USH2A: variants seen among roughly 807,000 people sequenced by gnomAD.
USH2A encodes Usher syndrome 2A (autosomal recessive, mild).
A neutral mutation model predicts 538.9 loss-of-function variants in USH2A; 443 were observed. The observed-to-expected ratio is 0.82, with a 90% CI of 0.76 to 0.89. The LOEUF (loss-of-function observed/expected upper bound fraction) is 0.89, where lower values mean the gene tolerates loss of function less well. Ranked by LOEUF, USH2A falls within the 40% of genes least tolerant of loss-of-function variation. The pLI, the probability that USH2A is intolerant of heterozygous loss-of-function variation, is 0.00. For missense variants in USH2A, 6,633 were observed against 6,324.8 expected (o/e 1.05, Z -1.65); for synonymous variants, 2,413 against 2,273.5 (o/e 1.06, Z -1.75).
At chr1:216,296,415 T>C (rs1225606775) in intron 9 of USH2A, among the ~76,000 whole-genome samples, 1 of 152,082 alleles carries the variant, frequency 6.6e-6, no homozygotes, top group African/African-American at 2.4e-5. Flanking sequence ...ATCTTGCTCC[T>C]GTCACTCTAC....
chr1:216,212,690 T>C (rs1341745425), intron 15 of USH2A, among the ~76,000 whole-genome samples: 3 of 150,664 alleles, frequency 2.0e-5, no homozygotes, highest in Admixed American at 2.0e-4. Flanking sequence ...TGTTTGTGTG[T>C]GTGTGTGTGT....
intron 61 of USH2A, among the ~76,000 whole-genome samples, chr1:215,721,605 A>G (rs150936007): frequency 6.6e-6 from 1 of 152,290 alleles, no homozygotes; most frequent in Non-Finnish European, 1.5e-5. Context: ...TTCATCCCCA[A>G]TAATGTTGAG....
At chr1:216,113,551 T>A (rs1420925863) in intron 21 of USH2A, among the ~76,000 whole-genome samples, 7 of 152,176 alleles carry the variant, frequency 4.6e-5, no homozygotes, top group Non-Finnish European at 1.5e-5. Context: ...ACAAGATGAA[T>A]AGTGATTTTG....
intron 35 of USH2A, among the ~76,000 whole-genome samples, chr1:215,982,010 A>G (rs1047816030): frequency 1.1e-4 from 17 of 152,244 alleles, no homozygotes; most frequent in African/African-American, 4.1e-4. Flanking sequence ...GTAAGTAATC[A>G]TTCAATCAAC....
intron 32 of USH2A, among the ~76,000 whole-genome samples, chr1:216,022,327 A>G (rs1184054100): frequency 6.6e-6 from 1 of 152,132 alleles, no homozygotes; most frequent in Non-Finnish European, 1.5e-5. Flanking sequence ...ACAGTCATGG[A>G]AAGAGGGAAC....
In USH2A at chr1:215,759,825, C is replaced by T. The variant is rs757483800; in HGVS notation, c.11066G>A (p.Arg3689Gln). The T allele has an allele frequency of 6.2e-6, 10 of 1,613,680 alleles. No homozygotes were observed. The South Asian group carries it at 7.7e-5, about 12-fold the overall frequency. The change falls in exon 57 of 72, where the codon CGA becomes CAA. Residue 3689 changes from arginine to glutamine, a missense_variant. Arg to Gln is a conservative substitution (Grantham distance 43). Coordinates refer to ENST00000307340, the MANE Select transcript of USH2A (RefSeq NM_206933.4). Reference protein sequence around the residue: ...AAPEGVWVTPRHIIINSTTVE... With the variant: ...AAPEGVWVTPQHIIINSTTVE... Reference sequence around the variant, plus strand: ...TGTTGTAGAATTGATGATAATGTGTCGAGGTGTCACCCAAACTCCTGGCAA... The same window carrying T: ...TGTTGTAGAATTGATGATAATGTGTTGAGGTGTCACCCAAACTCCTGGCAA...
At chr1:216,145,102 T>G (rs771470035) in intron 21 of USH2A, among the ~76,000 whole-genome samples, 14 of 152,288 alleles carry the variant, frequency 9.2e-5, no homozygotes, top group Middle Eastern at 6.8e-3. Context: ...TTCCCTTCCC[T>G]CACCCTACTT....
intron 21 of USH2A, among the ~76,000 whole-genome samples, chr1:216,117,835 T>C (rs2102591500): frequency 7.5e-6 from 1 of 132,490 alleles, no homozygotes; most frequent in Admixed American, 8.4e-5. Flanking sequence ...TACACAGATA[T>C]ATATATACAC....
At chr1:215,679,147 G>T (rs1270258872) in intron 62 of USH2A, among the ~76,000 whole-genome samples, 1 of 152,230 alleles carries the variant, frequency 6.6e-6, no homozygotes, top group Non-Finnish European at 1.5e-5. Context: ...CAGAGAGGCA[G>T]CCCACAGGAT....
At position 215,978,531 on chromosome 1, in the gene USH2A, T is replaced by C. The variant is rs112524911; in HGVS notation, c.6806-7755A>G. Among the ~76,000 whole-genome samples the C allele has an allele frequency of 3.9e-3, 594 of 152,278 alleles. 6 individuals carry two copies. Among genetic ancestry groups the C allele is most frequent in the African/African-American group, 0.014 (573 of 41,562 alleles). On this transcript the variant is annotated intron_variant, in intron 35 of 71. Transcript: ENST00000307340. ...AGTGCAAAGTACTATACTTGGTATT[T>C]TGGGAAGTAAGAACAGAATAAGAAT...
chr1:216,293,437 A>C (rs1054159791), intron 9 of USH2A, among the ~76,000 whole-genome samples: 10 of 152,178 alleles, frequency 6.6e-5, no homozygotes, highest in African/African-American at 9.7e-5. Context: ...GAATTCCTCT[A>C]ATGTGAAGTG....
intron 61 of USH2A, among the ~76,000 whole-genome samples, chr1:215,697,119 A>AT (rs34386908): frequency 0.39 from 57,507 of 148,068 alleles, 12,312 homozygotes; most frequent in Middle Eastern, 0.5. Flanking sequence ...GGCCCAGCTA[A>AT]TTTTTTTTTT....
chr1:216,147,778 G>A (rs1261826823), intron 21 of USH2A, among the ~76,000 whole-genome samples: 8 of 150,794 alleles, frequency 5.3e-5, no homozygotes, highest in East Asian at 2.0e-4. Flanking sequence ...GAACCGCAGC[G>A]GCCAGGCATT....
At chr1:216,201,206 C>G (rs189550564) in intron 16 of USH2A, among the ~76,000 whole-genome samples, 1 of 151,664 alleles carries the variant, frequency 6.6e-6, no homozygotes, top group South Asian at 2.1e-4. Flanking sequence ...CTATCCCCAT[C>G]GGCAACTTTC....
intron 47 of USH2A, among the ~76,000 whole-genome samples, chr1:215,818,083 T>C (rs1451770130): frequency 2.0e-5 from 3 of 151,964 alleles, no homozygotes; most frequent in Non-Finnish European, 4.4e-5. Context: ...GGTAAGAATA[T>C]AGTATAAATA....
chr1:216,112,186 C>T (rs80094931), intron 21 of USH2A, among the ~76,000 whole-genome samples: 7,467 of 151,974 alleles, frequency 0.049, 257 homozygotes, highest in Middle Eastern at 0.099. Context: ...GGAATGAATC[C>T]CCAAACATTC....
At chr1:216,262,669 T>C (rs2036397712) in intron 11 of USH2A, among the ~76,000 whole-genome samples, 1 of 152,080 alleles carries the variant, frequency 6.6e-6, no homozygotes, top group Admixed American at 6.6e-5. Flanking sequence ...AATGAAATAC[T>C]AACTTAAAAC....
chr1:216,347,222 T>TA (rs2102686080), intron 4 of USH2A, among the ~76,000 whole-genome samples: 1 of 152,194 alleles, frequency 6.6e-6, no homozygotes, highest in Non-Finnish European at 1.5e-5. Flanking sequence ...AGGTTGTTTC[T>TA]AAAAAAGAAA....
rs555874798 is a variant in USH2A at position 215,826,006 on chromosome 1, G to A, written c.9372-8811C>T. 5.9e-5 allele frequency among the ~76,000 whole-genome samples: 9 copies of A among 152,296 alleles called. No homozygotes were observed. In the East Asian group the frequency reaches 1.2e-3, roughly 20 times the overall value. On this transcript the variant is annotated intron_variant, in intron 47 of 71. Transcript: ENST00000307340. The stretch of plus-strand genomic sequence containing the variant: ...AACTCTTAAATTTGGCAGTCTGTAT[G>A]AGCATAGGAAATAAAGCTTACTTCT...
Sources: allele counts gnomAD v4.1 joint callset (sites outside exome capture counted in the v4.1 genomes callset), GRCh38; gene constraint gnomAD v4.1.1; transcripts MANE v1.5; gene names NCBI Gene and HGNC (gene_info 2026-07-23, HGNC 2026-07-21).